SEC61A2: variants seen among roughly 807,000 people sequenced by gnomAD.
SEC61A2 encodes protein transport protein Sec61 subunit alpha isoform 2.
SEC61A2 carries 28 observed loss-of-function variants against 59.9 expected under a neutral mutation model. That is an observed-to-expected ratio of 0.47 (90% confidence interval 0.35 to 0.64). The LOEUF (loss-of-function observed/expected upper bound fraction) is 0.64, where lower values mean the gene tolerates loss of function less well. Ranked by LOEUF, SEC61A2 falls within the 30% of genes least tolerant of loss-of-function variation. The pLI is 0.01. For synonymous variants in SEC61A2, 202 were observed against 214.4 expected, an observed-to-expected ratio of 0.94 and a Z score of 0.50; for missense variants, 340 against 585.9, an observed-to-expected ratio of 0.58 and a Z score of 4.33.
chr10:12,166,769 AACTC>A (rs1409637672), downstream of SEC61A2: 2 of 496,424 alleles, frequency 4.0e-6, no homozygotes, highest in Non-Finnish European at 8.3e-6. Flanking sequence ...AAAAGAGCTA[AACTC>A]ACTCAAGAAG....
At chr10:12,135,685 C>T (rs1183588521) in intron 2 of SEC61A2, among the ~76,000 whole-genome samples, 1 of 152,158 alleles carries the variant, frequency 6.6e-6, no homozygotes, top group Admixed American at 6.6e-5. Flanking sequence ...CATTGTTTAG[C>T]TCCTACTTTT....
chr10:12,164,490 A>G lies in SEC61A2; in HGVS notation c.*36A>G, dbSNP rs773653586. On this transcript the variant is annotated 3_prime_UTR_variant, in exon 12 of 12. Coordinates refer to ENST00000298428, the MANE Select transcript of SEC61A2 (RefSeq NM_018144.4). The surrounding 1 kb of genome is among the most constrained non-coding windows in gnomAD (Gnocchi z 7.3). ...ATTTCATTTTGTGCGTGTGAAAGGG[A>G]AAACACTTTGACGGATCGTTTTTGT... 6.3e-7 allele frequency: 1 copy of G among 1,599,434 alleles called. No homozygotes were observed. Among genetic ancestry groups the G allele is most frequent in the Admixed American group, 1.7e-5 (1 of 58,106 alleles).
chr10:12,151,316 CT>C (rs532543581), intron 6 of SEC61A2, among the ~76,000 whole-genome samples: 136 of 138,040 alleles, frequency 9.9e-4, no homozygotes, highest in Admixed American at 1.3e-3. Flanking sequence ...TTTTTCTTTT[CT>C]TTTTTTTTTT....
chr10:12,158,354 TAAAATTGTGGTTGATTTC>T lies in SEC61A2; in HGVS notation c.975+251_975+268del. ...ATCTCATTTGAATGACCTTTTAAGC[TAAAATTGTGGTTGATTTC>T]ATAAAAGTAATTTCCTATTTTGTCA... is the stretch of plus-strand genomic sequence containing the variant. On this transcript the variant is annotated intron_variant, in intron 9 of 11. Coordinates refer to ENST00000298428, the MANE Select transcript of SEC61A2 (RefSeq NM_018144.4). The surrounding 1 kb of genome is among the most constrained non-coding windows in gnomAD (Gnocchi z 5.7). 2 of 442,912 alleles carry T rather than the reference TAAAATTGTGGTTGATTTC, an allele frequency of 4.5e-6. No homozygotes were observed. Among genetic ancestry groups the T allele is most frequent in the Non-Finnish European group, 8.0e-6 (2 of 249,092 alleles). The allele number at this position is 442,912 out of a possible 1,614,324, so 27.4% of individuals were successfully genotyped here. A position where few individuals can be genotyped will look rare whatever the true frequency, so the allele number is the denominator to read the frequency against.
In SEC61A2 at chr10:12,158,749, A is replaced by G. The variant is rs985701407; in HGVS notation, c.975+644A>G. On this transcript the variant is annotated intron_variant, in intron 9 of 11. Transcript: ENST00000298428. This position sits in a 1 kb window ranked among gnomAD's most constrained non-coding sequence, Gnocchi z 5.7. ...CGTCTCCAAAAAATAAAAACAAAAAATGCTATTTGCTGCTGCTAACATGTG... is the reference window on the plus strand; with the variant it reads ...CGTCTCCAAAAAATAAAAACAAAAAGTGCTATTTGCTGCTGCTAACATGTG... Among the ~76,000 whole-genome samples the G allele has an allele frequency of 2.0e-5, 3 of 152,140 alleles. No homozygotes were observed. The highest frequency in any genetic ancestry group is 4.8e-5 in the African/African-American group (2 of 41,508).
In SEC61A2 at chr10:12,156,956, C is replaced by G. The variant is rs1834411816; in HGVS notation, c.666C>G (p.Thr222=). The stretch of plus-strand genomic sequence containing the variant: ...TAGCTCTGTTCCATTTGTTGGCCAC[C>G]AGGACGGACAAAGTCCGAGCTTTAC... ...AVIALFHLLA[T]RTDKVRALRE... The change falls in exon 8 of 12, where the codon ACC becomes ACG. Residue 222 remains threonine (T), a synonymous_variant. Transcript: ENST00000298428. This position sits in a 1 kb window ranked among gnomAD's most constrained non-coding sequence, Gnocchi z 5.2. 3.1e-6 allele frequency: 5 copies of G among 1,613,980 alleles called. No homozygotes were observed. Among genetic ancestry groups the G allele is most frequent in the Non-Finnish European group, 3.4e-6 (4 of 1,179,906 alleles).
rs1834325892 is a variant in SEC61A2, at chr10:12,153,385, T to A, written c.463-2393T>A. Among the ~76,000 whole-genome samples the A allele has an allele frequency of 1.3e-5, 2 of 152,176 alleles. No homozygotes were observed. The highest frequency in any genetic ancestry group is 4.8e-5 in the African/African-American group (2 of 41,440). The stretch of plus-strand genomic sequence containing the variant: ...CATGTAGCTCGTAGAACATTATACA[T>A]CAAGAAAAGCTCTCTAGTATCTTAC... On this transcript the variant is annotated intron_variant, in intron 6 of 11. Transcript: ENST00000298428. The surrounding 1 kb of genome is among the most constrained non-coding windows in gnomAD (Gnocchi z 5.2).
In SEC61A2 at chr10:12,153,831, C is replaced by T; in HGVS notation, c.463-1947C>T. On this transcript the variant is annotated intron_variant, in intron 6 of 11. Coordinates refer to ENST00000298428, the MANE Select transcript of SEC61A2 (RefSeq NM_018144.4). The surrounding 1 kb of genome is among the most constrained non-coding windows in gnomAD (Gnocchi z 5.2). ...AAACATAGGTTTTGAAAACTGTTTG[C>T]ATGCCGTTGTGGAAGGTATTTCTCA... is the stretch of plus-strand genomic sequence containing the variant. 6.3e-7 allele frequency: 1 copy of T among 1,587,134 alleles called. No individual in the cohort carries two copies. Among genetic ancestry groups the T allele is most frequent in the Non-Finnish European group, 8.6e-7 (1 of 1,167,026 alleles).
chr10:12,162,160 G>A lies in SEC61A2; in HGVS notation c.1168-53G>A. Reference sequence around the variant, plus strand: ...GCACTTCGCATAGAACGTGGTAGATGTAAGCAGTGAAATGTTCCAGTTGGA... The same window carrying A: ...GCACTTCGCATAGAACGTGGTAGATATAAGCAGTGAAATGTTCCAGTTGGA... On this transcript the variant is annotated intron_variant, in intron 10 of 11. Transcript: ENST00000298428. This position sits in a 1 kb window ranked among gnomAD's most constrained non-coding sequence, Gnocchi z 6.1. 2.9e-6 allele frequency: 4 copies of A among 1,402,344 alleles called. No homozygotes were observed. The highest frequency in any genetic ancestry group is 2.3e-5 in the East Asian group (1 of 43,792). 86.9% of individuals were successfully genotyped at this position (1,402,344 alleles called of 1,614,324 possible). A position where few individuals can be genotyped will look rare whatever the true frequency, so the allele number is the denominator to read the frequency against.
Position 12,165,078 on chromosome 10 carries a change from C to T in SEC61A2, c.*624C>T, listed in dbSNP as rs1834634633. Reference sequence around the variant, plus strand: ...TCCTCCTCTTCCTCTTCCTCCTTTTCCTTCTCCTCCTCCTCTCTTCCCAGT... The same window carrying T: ...TCCTCCTCTTCCTCTTCCTCCTTTTTCTTCTCCTCCTCCTCTCTTCCCAGT... On this transcript the variant is annotated 3_prime_UTR_variant, in exon 12 of 12. Transcript: ENST00000298428. 2.0e-6 allele frequency: 2 copies of T among 987,248 alleles called. No homozygotes were observed. The highest frequency in any genetic ancestry group is 2.4e-6 in the Non-Finnish European group (2 of 830,670). 61.2% of individuals were successfully genotyped at this position (987,248 alleles called of 1,614,324 possible).
chr10:12,167,485 A>G (rs185836562), downstream of SEC61A2: 265 of 495,220 alleles, frequency 5.4e-4, 2 homozygotes, highest in African/African-American at 4.9e-3. Context: ...ACTTGCATTT[A>G]TATTCTTTGT....
Position 12,153,803 on chromosome 10 carries a change from C to A in SEC61A2, c.463-1975C>A. ...TATGATTGGATCAGTGTGTTTCACC[C>A]AGAAACATAGGTTTTGAAAACTGTT... is the stretch of plus-strand genomic sequence containing the variant. On this transcript the variant is annotated intron_variant, in intron 6 of 11. Coordinates refer to ENST00000298428, the MANE Select transcript of SEC61A2 (RefSeq NM_018144.4). This position sits in a 1 kb window ranked among gnomAD's most constrained non-coding sequence, Gnocchi z 5.2. The A allele has an allele frequency of 6.2e-7, 1 of 1,601,556 alleles. No homozygotes were observed. The highest frequency in any genetic ancestry group is 8.5e-7 in the Non-Finnish European group (1 of 1,175,322).
In SEC61A2 at chr10:12,142,574, T is replaced by G; in HGVS notation, c.142-543T>G. 1.1e-6 allele frequency: 1 copy of G among 909,080 alleles called. No individual in the cohort carries two copies. Among genetic ancestry groups the G allele is most frequent in the Non-Finnish European group, 1.3e-6 (1 of 760,390 alleles). The allele number at this position is 909,080 out of a possible 1,614,324, so 56.3% of individuals were successfully genotyped here. ...ATTCTACGACCAGGCAGGTATAATA[T>G]TCCATAATCTACTGGTGGGAGTGTT... is the stretch of plus-strand genomic sequence containing the variant. On this transcript the variant is annotated intron_variant, in intron 3 of 11. Coordinates refer to ENST00000298428, the MANE Select transcript of SEC61A2 (RefSeq NM_018144.4). The surrounding 1 kb of genome is among the most constrained non-coding windows in gnomAD (Gnocchi z 5.4).
chr10:12,160,018 G>T lies in SEC61A2; in HGVS notation c.976-912G>T, dbSNP rs1352445585. The stretch of plus-strand genomic sequence containing the variant: ...ATTTAAGAGAAATGTGATGATCTCT[G>T]TTGTATTCTGGCTAATATTATATCG... On this transcript the variant is annotated intron_variant, in intron 9 of 11. Coordinates refer to ENST00000298428, the MANE Select transcript of SEC61A2 (RefSeq NM_018144.4). This position sits in a 1 kb window ranked among gnomAD's most constrained non-coding sequence, Gnocchi z 4.1. Among the ~76,000 whole-genome samples, 1 of 152,060 alleles carries T rather than the reference G, an allele frequency of 6.6e-6. No individual in the cohort carries two copies. Among genetic ancestry groups the T allele is most frequent in the Non-Finnish European group, 1.5e-5 (1 of 68,016 alleles).
At chr10:12,157,340 C>CT (rs909065396) in intron 8 of SEC61A2, among the ~76,000 whole-genome samples, 6 of 150,938 alleles carry the variant, frequency 4.0e-5, no homozygotes, top group East Asian at 3.9e-4. Flanking sequence ...CTTTTCTTTT[C>CT]TTTTTTTTTC....
Position 12,161,202 on chromosome 10 carries a change from C to A in SEC61A2, c.1167+81C>A. 9.0e-7 allele frequency: 1 copy of A among 1,105,250 alleles called. No homozygotes were observed. The highest frequency in any genetic ancestry group is 1.3e-6 in the Non-Finnish European group (1 of 773,776). 68.5% of individuals were successfully genotyped at this position (1,105,250 alleles called of 1,614,324 possible). On this transcript the variant is annotated intron_variant, in intron 10 of 11. Coordinates refer to ENST00000298428, the MANE Select transcript of SEC61A2 (RefSeq NM_018144.4). This position sits in a 1 kb window ranked among gnomAD's most constrained non-coding sequence, Gnocchi z 5.4. ...TCTGTAATCGTAGCACTTTGGCAGG[C>A]TGAGGCCGCTGGATCGCTTCACCTC... is the stretch of plus-strand genomic sequence containing the variant.
chr10:12,137,634 A>T (rs1833918512), intron 3 of SEC61A2, among the ~76,000 whole-genome samples: 2 of 152,176 alleles, frequency 1.3e-5, no homozygotes, highest in South Asian at 4.1e-4. Flanking sequence ...AATGTTGCAG[A>T]CATATTAAGT....
chr10:12,140,712 C>T (rs1174170769), intron 3 of SEC61A2, among the ~76,000 whole-genome samples: 1 of 152,140 alleles, frequency 6.6e-6, no homozygotes, highest in East Asian at 1.9e-4. Context: ...TCTCCTCCCT[C>T]AGCCCCCGGA....
chr10:12,138,691 C>A (rs940591046), intron 3 of SEC61A2, among the ~76,000 whole-genome samples: 4 of 152,190 alleles, frequency 2.6e-5, no homozygotes, highest in Non-Finnish European at 5.9e-5. Context: ...GTCGTTACGT[C>A]AGTAACTCAT....
Sources: allele counts gnomAD v4.1 joint callset (sites outside exome capture counted in the v4.1 genomes callset), GRCh38; gene constraint gnomAD v4.1.1; non-coding constraint Gnocchi (gnomAD v3.1); transcripts MANE v1.5; gene names NCBI Gene and HGNC (gene_info 2026-07-23, HGNC 2026-07-21).